DAP: variants seen among roughly 807,000 people sequenced by gnomAD.
The protein encoded by DAP is death-associated protein 1.
DAP carries 8 observed loss-of-function variants against 13.8 expected under a neutral mutation model. That is an observed-to-expected ratio of 0.58 (90% CI 0.34 to 1.05). The LOEUF is 1.05. Ranked by LOEUF, DAP falls within the 50% of genes least tolerant of loss-of-function variation. The pLI, the probability that DAP is intolerant of heterozygous loss-of-function variation, is 0.03. For synonymous variants in DAP, 47 were observed against 47.5 expected, an observed-to-expected ratio of 0.99 and a Z score of 0.04; for missense variants, 106 against 133.2, an observed-to-expected ratio of 0.80 and a Z score of 1.01.
At chr5:10,706,853 GAA>G (rs10609489) in intron 2 of DAP, among the ~76,000 whole-genome samples, 2,714 of 151,346 alleles carry the variant, frequency 0.018, 74 homozygotes, top group African/African-American at 0.062. Flanking sequence ...CAGCATTCCA[GAA>G]AAGCCCAGAA....
intron 2 of DAP, among the ~76,000 whole-genome samples, chr5:10,705,925 T>C (rs1468177054): frequency 1.3e-5 from 2 of 152,186 alleles, no homozygotes; most frequent in African/African-American, 4.8e-5. Flanking sequence ...TTACTGCCCC[T>C]GAATCATGTG....
intron 2 of DAP, among the ~76,000 whole-genome samples, chr5:10,733,409 C>G (rs2126668492): frequency 6.6e-6 from 1 of 152,144 alleles, no homozygotes; most frequent in South Asian, 2.1e-4. Flanking sequence ...GGATTGCTAC[C>G]CAATATATGT....
intron 2 of DAP, among the ~76,000 whole-genome samples, chr5:10,742,874 C>A (rs757784793): frequency 2.1e-4 from 32 of 152,104 alleles, no homozygotes; most frequent in Non-Finnish European, 4.1e-4. Context: ...TGACACTAAC[C>A]CTCTCATCCA....
chr5:10,753,874 TAAAAGA>T, intron 1 of DAP, among the ~76,000 whole-genome samples: 1 of 152,330 alleles, frequency 6.6e-6, no homozygotes. Flanking sequence ...CTCTTCTACC[TAAAAGA>T]AGTGACGAAA....
intron 2 of DAP, among the ~76,000 whole-genome samples, chr5:10,705,457 T>C (rs1738673717): frequency 1.3e-5 from 2 of 152,222 alleles, no homozygotes. Context: ...GACAAGTCTG[T>C]GTGGCAGAAG....
intron 2 of DAP, among the ~76,000 whole-genome samples, chr5:10,702,584 G>T (rs1738609281): frequency 1.3e-5 from 2 of 152,132 alleles, no homozygotes; most frequent in African/African-American, 4.8e-5. Flanking sequence ...ATCTTTTCAA[G>T]GCAAACTTGA....
At chr5:10,746,947 C>T (rs768028570) in intron 2 of DAP, among the ~76,000 whole-genome samples, 2 of 152,194 alleles carry the variant, frequency 1.3e-5, no homozygotes, top group Non-Finnish European at 2.9e-5. Flanking sequence ...TCCATGAGAA[C>T]TGGGTTGAAC....
intron 2 of DAP, among the ~76,000 whole-genome samples, chr5:10,740,689 A>G (rs1448281105): frequency 2.0e-5 from 3 of 152,240 alleles, no homozygotes; most frequent in African/African-American, 4.8e-5. Context: ...TATATAGTGA[A>G]AACATCTTTC....
chr5:10,708,865 A>T (rs1269244199), intron 2 of DAP, among the ~76,000 whole-genome samples: 3 of 152,192 alleles, frequency 2.0e-5, no homozygotes, highest in Non-Finnish European at 4.4e-5. Context: ...TGGGTGAGTG[A>T]TTTTTCTGAC....
chr5:10,686,572 G>A (rs1156424253), intron 2 of DAP, among the ~76,000 whole-genome samples: 1 of 152,212 alleles, frequency 6.6e-6, no homozygotes, highest in African/African-American at 2.4e-5. Flanking sequence ...TAAAAGACAA[G>A]CCACAACATT....
chr5:10,713,969 T>C (rs4701879), intron 2 of DAP, among the ~76,000 whole-genome samples: 16,849 of 152,270 alleles, frequency 0.11, 1,145 homozygotes, highest in East Asian at 0.29. Flanking sequence ...AGCCTTGCAA[T>C]GGAATCACTT....
At chr5:10,756,675 T>A (rs1283356005) in intron 1 of DAP, among the ~76,000 whole-genome samples, 2 of 152,212 alleles carry the variant, frequency 1.3e-5, no homozygotes, top group African/African-American at 4.8e-5. Flanking sequence ...TACTGACACA[T>A]GGTTTTGGCT....
chr5:10,744,953 G>C (rs767060988), intron 2 of DAP, among the ~76,000 whole-genome samples: 9 of 152,218 alleles, frequency 5.9e-5, no homozygotes, highest in Non-Finnish European at 1.2e-4. Context: ...AGAGGGAGTA[G>C]TAATTCAGAA....
chr5:10,716,426 A>G (rs915379759), intron 2 of DAP, among the ~76,000 whole-genome samples: 16 of 152,152 alleles, frequency 1.1e-4, no homozygotes, highest in African/African-American at 3.6e-4. Flanking sequence ...GGATTGAAGG[A>G]TGCAATATTG....
intron 2 of DAP, among the ~76,000 whole-genome samples, chr5:10,706,027 GAGCTT>G (rs1281550618): frequency 1.3e-5 from 2 of 152,242 alleles, no homozygotes; most frequent in African/African-American, 2.4e-5. Flanking sequence ...GGACTGCAGA[GAGCTT>G]AGCTCACATC....
chr5:10,696,267 C>T (rs1738436381), intron 2 of DAP, among the ~76,000 whole-genome samples: 1 of 152,174 alleles, frequency 6.6e-6, no homozygotes, highest in Admixed American at 6.5e-5. Context: ...ATCACATATA[C>T]AGAAGCGACC....
intron 2 of DAP, among the ~76,000 whole-genome samples, chr5:10,724,095 A>C (rs1272810173): frequency 6.6e-6 from 1 of 152,242 alleles, no homozygotes; most frequent in East Asian, 1.9e-4. Flanking sequence ...GTTATACAAT[A>C]ATTTCTGGTA....
chr5:10,726,767 G>A (rs909033276), intron 2 of DAP, among the ~76,000 whole-genome samples: 5 of 152,228 alleles, frequency 3.3e-5, no homozygotes, highest in African/African-American at 4.8e-5. Context: ...AAAAGTGTGT[G>A]TGTGTGTGAG....
At chr5:10,705,220 C>A (rs998816376) in intron 2 of DAP, among the ~76,000 whole-genome samples, 2 of 152,178 alleles carry the variant, frequency 1.3e-5, no homozygotes, top group Admixed American at 1.3e-4. Context: ...ATCAGCCCAC[C>A]GCGGCCCACA....
Sources: gnomAD v4.1 joint callset for allele counts (sites outside exome capture counted in the v4.1 genomes callset) on GRCh38, gnomAD v4.1.1 for gene constraint, MANE v1.5 for transcripts, NCBI Gene and HGNC (gene_info 2026-07-23, HGNC 2026-07-21) for gene names.